Variants in PCDHA4 observed in about 807,000 individuals in gnomAD.
PCDHA4 encodes the protein protocadherin alpha-4.
A neutral mutation model predicts 61.4 loss-of-function variants in PCDHA4; 49 were observed. The ratio of observed to expected loss-of-function variants is 0.80; its 90% CI spans 0.63 to 1.01. The LOEUF is 1.01. Ranked by LOEUF, PCDHA4 falls within the 50% of genes least tolerant of loss-of-function variation. PCDHA4 has a pLI of 0.00. For synonymous variants in PCDHA4, 590 were observed against 550.3 expected, an observed-to-expected ratio of 1.07 and a Z score of -1.01; for missense variants, 1,254 against 1,235.8, an observed-to-expected ratio of 1.01 and a Z score of -0.22.
chr5:140,884,241 C>G lies in PCDHA4; in HGVS notation c.2385+74669C>G, dbSNP rs782355331. 3.7e-6 allele frequency: 6 copies of G among 1,613,408 alleles called. No homozygotes were observed. The South Asian group carries it at 4.4e-5, about 12-fold the overall frequency. ...CTGGTGAAGGACCACGGTGAGCCCG[C>G]GCTGACGGCCACGGCAACGGTGCTG... On this transcript the variant is annotated intron_variant, in intron 1 of 3. Coordinates refer to ENST00000530339, the MANE Select transcript of PCDHA4 (RefSeq NM_018907.4).
chr5:140,938,207 A>G (rs782001361), intron 1 of PCDHA4, among the ~76,000 whole-genome samples: 6 of 152,112 alleles, frequency 3.9e-5, no homozygotes, highest in Non-Finnish European at 8.8e-5. Flanking sequence ...CAGCCTCCCA[A>G]AGTGCTGGGA....
rs1190740414 is a variant in PCDHA4 at position 140,809,232 on chromosome 5, C to T, written c.2045C>T (p.Ala682Val). ...SGQAPKASSR[A>V]LVGAVGPDAA... ...CAGGCGCCAAAGGCCTCCTCACGGG[C>T]GTTGGTGGGCGCTGTGGGTCCCGAT... Residue 682 changes from alanine to valine, a missense_variant, in exon 1 of 4, where the codon GCG (alanine) becomes GTG (valine). Ala to Val is a moderately conservative substitution (Grantham distance 64, BLOSUM62 0). Transcript: ENST00000530339. The T allele has an allele frequency of 6.2e-7, 1 of 1,614,062 alleles. No homozygotes were observed. Among genetic ancestry groups the T allele is most frequent in the Non-Finnish European group, 8.5e-7 (1 of 1,179,962 alleles).
intron 1 of PCDHA4, among the ~76,000 whole-genome samples, chr5:140,917,545 C>G (rs1049973588): frequency 6.6e-6 from 1 of 152,212 alleles, no homozygotes; most frequent in Non-Finnish European, 1.5e-5. Flanking sequence ...TTAGGTTTTA[C>G]ATTTAACTCT....
intron 1 of PCDHA4, chr5:140,882,664 A>AT (rs782651285): frequency 6.2e-7 from 1 of 1,614,046 alleles, no homozygotes; most frequent in Admixed American, 1.7e-5. Flanking sequence ...ACCCGCCCAT[A>AT]TTCCCTGAAA....
chr5:140,859,385 G>C (rs1252027820), intron 1 of PCDHA4: 2 of 270,486 alleles, frequency 7.4e-6, no homozygotes, highest in African/African-American at 4.6e-5. Flanking sequence ...AGCTTCTCTA[G>C]TCATCTTAAA....
At chr5:140,876,630 C>T in intron 1 of PCDHA4, 2 of 1,614,226 alleles carry the variant, frequency 1.2e-6, no homozygotes, top group Non-Finnish European at 1.7e-6. Context: ...GACAGGTCAT[C>T]TGCTCACTGA....
At chr5:140,856,856 G>A in intron 1 of PCDHA4, 1 of 1,594,396 alleles carries the variant, frequency 6.3e-7, no homozygotes, top group Non-Finnish European at 8.6e-7. Context: ...TGATTCGGAT[G>A]AAGGAATAAA....
intron 1 of PCDHA4, chr5:140,836,350 A>T (rs1454301862): frequency 3.1e-6 from 5 of 1,613,518 alleles, no homozygotes; most frequent in Non-Finnish European, 4.2e-6. Flanking sequence ...GACCACGGGG[A>T]GCCCTCGCTG....
intron 1 of PCDHA4, chr5:140,927,270 C>G: frequency 6.2e-7 from 1 of 1,614,150 alleles, no homozygotes; most frequent in Non-Finnish European, 8.5e-7. Context: ...TCTTTCCTGC[C>G]GGCGACGTGC....
intron 1 of PCDHA4, among the ~76,000 whole-genome samples, chr5:140,918,655 T>C (rs1248144760): frequency 6.6e-6 from 1 of 152,218 alleles, no homozygotes; most frequent in Non-Finnish European, 1.5e-5. Context: ...CTAATTCTCA[T>C]GTTGATGGTA....
At chr5:140,810,286 T>C (rs574497208) in intron 1 of PCDHA4, 28 of 152,374 alleles carry the variant, frequency 1.8e-4, no homozygotes, top group African/African-American at 6.0e-4. Flanking sequence ...AATAATGCCA[T>C]CATAAATATA....
At chr5:140,943,112 G>A (rs1250060246) in intron 1 of PCDHA4, among the ~76,000 whole-genome samples, 1 of 151,850 alleles carries the variant, frequency 6.6e-6, no homozygotes, top group African/African-American at 2.4e-5. Flanking sequence ...ACAAAAATTA[G>A]CCAGGTGTGG....
chr5:140,901,695 T>G (rs1554189992), intron 1 of PCDHA4, among the ~76,000 whole-genome samples: 1 of 152,216 alleles, frequency 6.6e-6, no homozygotes, highest in Non-Finnish European at 1.5e-5. Context: ...TATTTTGTAG[T>G]TCTATATACA....
chr5:140,809,009 T>A lies in PCDHA4; in HGVS notation c.1822T>A (p.Ser608Thr). 1.2e-6 allele frequency: 2 copies of A among 1,613,662 alleles called. No homozygotes were observed. Among genetic ancestry groups the A allele is most frequent in the Non-Finnish European group, 1.7e-6 (2 of 1,179,738 alleles). Residue 608 changes from serine to threonine, a missense_variant, in exon 1 of 4, where the codon TCG becomes ACG. Transcript: ENST00000530339. ...DADSGYNAWL[S>T]YELQPGTGGA... is the part of the protein sequence containing the mutation. ...TGACTCGGGCTACAACGCGTGGCTT[T>A]CGTACGAGCTGCAGCCGGGGACTGG...
At chr5:140,885,297 T>G (rs565705321) in intron 1 of PCDHA4, among the ~76,000 whole-genome samples, 30 of 152,302 alleles carry the variant, frequency 2.0e-4, no homozygotes, top group Admixed American at 5.9e-4. Context: ...GAGAGAGACC[T>G]GGTAGGCTTT....
rs1554151795 is a variant in PCDHA4, at chr5:140,858,568, T to C, written c.2385+48996T>C. On this transcript the variant is annotated intron_variant, in intron 1 of 3. Transcript: ENST00000530339. ...ATTTATGCTTGAATATTTCTAGTGA[T>C]ACCTTTGTAATATAATTTATTCCAG... 5.8e-6 allele frequency: 8 copies of C among 1,371,312 alleles called. 1 individual carries two copies. Among genetic ancestry groups the C allele is most frequent in the African/African-American group, 5.8e-5 (4 of 69,536 alleles). 84.9% of individuals were successfully genotyped at this position (1,371,312 alleles called of 1,614,324 possible).
At chr5:140,998,585 A>C (rs1227951754) in intron 3 of PCDHA4, among the ~76,000 whole-genome samples, 1 of 148,644 alleles carries the variant, frequency 6.7e-6, no homozygotes, top group Non-Finnish European at 1.5e-5. Context: ...TTTTTTTGAG[A>C]CAGAGTTTTG....
intron 1 of PCDHA4, among the ~76,000 whole-genome samples, chr5:140,923,975 T>C (rs1475895954): frequency 2.0e-5 from 3 of 152,222 alleles, no homozygotes; most frequent in African/African-American, 7.2e-5. Flanking sequence ...CCACACATAC[T>C]ATCCCTCTAG....
At chr5:140,913,862 T>G (rs1554196081) in intron 1 of PCDHA4, among the ~76,000 whole-genome samples, 1 of 152,218 alleles carries the variant, frequency 6.6e-6, no homozygotes, top group African/African-American at 2.4e-5. Flanking sequence ...GCATATTGTT[T>G]AATTTCCATG....
Sources: allele counts gnomAD v4.1 joint callset (sites outside exome capture counted in the v4.1 genomes callset), GRCh38; gene constraint gnomAD v4.1.1; transcripts MANE v1.5; gene names NCBI Gene and HGNC (gene_info 2026-07-23, HGNC 2026-07-21).